The following GALNT7 variants were observed in gnomAD, a reference collection of about 807,000 sequenced individuals.
GALNT7 encodes the protein polypeptide N-acetylgalactosaminyltransferase 7, also known as N-acetylgalactosaminyltransferase 7.
A neutral mutation model predicts 82.1 loss-of-function variants in GALNT7; 60 were observed. The observed-to-expected ratio is 0.73, with a 90% CI of 0.59 to 0.91. The LOEUF is 0.91. Among genes scored for constraint, GALNT7 ranks in the 40% least tolerant of loss-of-function variants. The pLI is 0.00. For synonymous variants in GALNT7, 243 were observed against 275.1 expected, an observed-to-expected ratio of 0.88 and a Z score of 1.15; for missense variants, 660 against 804.2, an observed-to-expected ratio of 0.82 and a Z score of 2.17.
intron 8 of GALNT7, among the ~76,000 whole-genome samples, chr4:173,304,758 A>T (rs545075988): frequency 6.6e-6 from 1 of 152,068 alleles, no homozygotes; most frequent in South Asian, 2.1e-4. Context: ...TACACTCCAC[A>T]TGTAAGTAAT....
chr4:173,181,250 A>G (rs966074421), intron 1 of GALNT7, among the ~76,000 whole-genome samples: 35 of 152,156 alleles, frequency 2.3e-4, no homozygotes, highest in African/African-American at 8.4e-4. Context: ...TAAGCAGAAG[A>G]TTGCTGGAAT....
At chr4:173,246,434 C>T (rs1734637914) in intron 1 of GALNT7, among the ~76,000 whole-genome samples, 1 of 152,108 alleles carries the variant, frequency 6.6e-6, no homozygotes, top group African/African-American at 2.4e-5. Context: ...ATGCATATCA[C>T]ATCTGTAGAA....
chr4:173,180,193 C>T (rs1294386896), intron 1 of GALNT7, among the ~76,000 whole-genome samples: 1 of 151,148 alleles, frequency 6.6e-6, no homozygotes, highest in Non-Finnish European at 1.5e-5. Context: ...CAGGAACAGT[C>T]TAATTACGTT....
At chr4:173,313,789 G>A (rs1421854926) in intron 8 of GALNT7, among the ~76,000 whole-genome samples, 169 bp from the exon 9 acceptor site, 1 of 152,052 alleles carries the variant, frequency 6.6e-6, no homozygotes, top group Non-Finnish European at 1.5e-5. Flanking sequence ...ATCCTTGGCA[G>A]ATGACATATT....
chr4:173,294,455 A>C (rs966594089), intron 3 of GALNT7, among the ~76,000 whole-genome samples: 22 of 152,166 alleles, frequency 1.4e-4, no homozygotes, highest in African/African-American at 5.1e-4. Context: ...TAAAATGAGT[A>C]AAATATTAAG....
intron 2 of GALNT7, chr4:173,268,155 A>G: frequency 6.5e-6 from 1 of 154,866 alleles, no homozygotes. Context: ...GTGAAGAAAA[A>G]TGTTAGGGTG....
At chr4:173,234,444 C>G (rs1734144091) in intron 1 of GALNT7, among the ~76,000 whole-genome samples, 1 of 152,198 alleles carries the variant, frequency 6.6e-6, no homozygotes, top group Non-Finnish European at 1.5e-5. Flanking sequence ...AAAGGGAACT[C>G]ATCATCTTCA....
intron 1 of GALNT7, 88 bp downstream of exon 1, chr4:173,169,049 T>C: frequency 7.3e-7 from 1 of 1,366,578 alleles, no homozygotes; most frequent in South Asian, 1.3e-5. Context: ...GGCGGCGGGG[T>C]CGCGGCACGG....
intron 1 of GALNT7, among the ~76,000 whole-genome samples, chr4:173,235,323 T>C (rs1371976794): frequency 6.6e-6 from 1 of 152,200 alleles, no homozygotes; most frequent in Non-Finnish European, 1.5e-5. Flanking sequence ...CCTGGCTTGA[T>C]CTAGCTACTA....
intron 5 of GALNT7, among the ~76,000 whole-genome samples, chr4:173,296,381 T>A (rs1736717491): frequency 6.6e-6 from 1 of 152,140 alleles, no homozygotes; most frequent in Admixed American, 6.5e-5. Context: ...GCACCATCAG[T>A]TTTCTATCTC....
At chr4:173,183,646 G>A (rs571303602) in intron 1 of GALNT7, among the ~76,000 whole-genome samples, 38 of 152,184 alleles carry the variant, frequency 2.5e-4, no homozygotes, top group African/African-American at 7.7e-4. Context: ...ATCATGGCCC[G>A]TTCTCAATGA....
At chr4:173,230,288 A>G (rs1440541495) in intron 1 of GALNT7, among the ~76,000 whole-genome samples, 3 of 25,490 alleles carry the variant, frequency 1.2e-4, no homozygotes, top group African/African-American at 1.4e-4. Flanking sequence ...AAATTTAAGC[A>G]TATGTTATAT....
At chr4:173,295,902 C>G (rs186116573) in intron 5 of GALNT7, 59 bp downstream of exon 5, 2 of 927,776 alleles carry the variant, frequency 2.2e-6, no homozygotes, top group East Asian at 4.8e-5. Context: ...CCTAGAAGGG[C>G]AAATAATATT....
chr4:173,230,633 T>C (rs1193736482), intron 1 of GALNT7, among the ~76,000 whole-genome samples: 1 of 152,224 alleles, frequency 6.6e-6, no homozygotes, highest in African/African-American at 2.4e-5. Flanking sequence ...TTTTGATATG[T>C]CACTCCTAAT....
chr4:173,317,719 T>A lies in GALNT7; in HGVS notation c.1694T>A (p.Met565Lys). ...GFVELGPCHR[M>K]GGNQLFRINE... Reference sequence around the variant, plus strand: ...GTTGAACTAGGACCCTGCCACAGGATGGGAGGGAATCAGGTAAACCACCTT... The same window carrying A: ...GTTGAACTAGGACCCTGCCACAGGAAGGGAGGGAATCAGGTAAACCACCTT... The change falls in exon 10 of 12, where the codon ATG becomes AAG. Residue 565 changes from methionine to lysine, a missense_variant. By Grantham distance (95) the Met-to-Lys change is moderately conservative (BLOSUM62 -1). Coordinates refer to ENST00000265000, the MANE Select transcript of GALNT7 (RefSeq NM_017423.3). 1 of 1,606,890 alleles carries A rather than the reference T, an allele frequency of 6.2e-7. No individual in the cohort carries two copies. Among genetic ancestry groups the A allele is most frequent in the Non-Finnish European group, 8.5e-7 (1 of 1,173,456 alleles).
intron 2 of GALNT7, among the ~76,000 whole-genome samples, chr4:173,253,325 C>T (rs11934228): frequency 0.073 from 11,101 of 152,050 alleles, 816 homozygotes; most frequent in African/African-American, 0.19. Context: ...GCATGTAGTG[C>T]GGTTTACTTG....
chr4:173,272,988 C>G (rs1236071897), intron 2 of GALNT7, among the ~76,000 whole-genome samples: 1 of 152,154 alleles, frequency 6.6e-6, no homozygotes, highest in African/African-American at 2.4e-5. Context: ...GTAAATATTA[C>G]AACCTGTCTT....
Position 173,219,588 on chromosome 4 carries a change from T to C in GALNT7, c.127-28392T>C, listed in dbSNP as rs1423140993. On this transcript the variant is annotated intron_variant, in intron 1 of 11. Transcript: ENST00000265000. ...TCCACACTGTTTTCCACAGTGGTTG[T>C]ACTAGTTTACATTCCCACCAACAGA... is the stretch of plus-strand genomic sequence containing the variant. Among the ~76,000 whole-genome samples, 15 of 152,310 alleles carry C rather than the reference T, an allele frequency of 9.8e-5. No homozygotes were observed. The East Asian group carries it at 2.7e-3, about 27-fold the overall frequency.
At chr4:173,231,346 TG>T (rs1734027284) in intron 1 of GALNT7, among the ~76,000 whole-genome samples, 1 of 152,194 alleles carries the variant, frequency 6.6e-6, no homozygotes, top group Admixed American at 6.5e-5. Flanking sequence ...ATTAATCGCA[TG>T]TTTTAAAGGC....
Sources: allele counts gnomAD v4.1 joint callset (sites outside exome capture counted in the v4.1 genomes callset), GRCh38; gene constraint gnomAD v4.1.1; transcripts MANE v1.5; gene names NCBI Gene and HGNC (gene_info 2026-07-23, HGNC 2026-07-21).